Variants in MUC17 observed in about 807,000 individuals in gnomAD.
MUC17 encodes mucin 17, cell surface associated, also known as mucin-17.
MUC17 carries 190 observed loss-of-function variants against 170.3 expected under a neutral mutation model. The ratio of observed to expected loss-of-function variants is 1.12; its 90% CI spans 0.99 to 1.26. The LOEUF (loss-of-function observed/expected upper bound fraction) is 1.26. MUC17 is among the 50% of genes most tolerant of loss of function. The probability of loss-of-function intolerance (pLI) is 0.00; values close to 1 mark genes in which losing one functional copy is unlikely to be tolerated. For missense variants in MUC17, 6,415 were observed against 5,530.0 expected, an observed-to-expected ratio of 1.16 and a Z score of -5.08; for synonymous variants, 2,325 against 2,002.5, an observed-to-expected ratio of 1.16 and a Z score of -4.30.
Position 101,040,670 on chromosome 7 carries a change from C to A in MUC17, c.9254C>A (p.Ser3085Ter), listed in dbSNP as rs769024651. Residue 3085 changes from serine to a stop codon, truncating the protein, a stop_gained, in exon 3 of 13, where the codon TCA becomes TAA. Transcript: ENST00000306151. LOFTEE classifies it high-confidence loss of function. ...SPVVTSTEVS[S>*]SPTPAEGTSM... ...GTGGTCACTTCTACTGAAGTCAGTT[C>A]ATCTCCTACACCTGCTGAAGGTACC... The A allele has an allele frequency of 6.2e-7, 1 of 1,613,158 alleles. No individual in the cohort carries two copies. Among genetic ancestry groups the A allele is most frequent in the Admixed American group, 1.7e-5 (1 of 59,840 alleles).
chr7:101,042,139 A>G lies in MUC17; in HGVS notation c.10723A>G (p.Ser3575Gly). Residue 3575 changes from serine (S) to glycine (G), a missense_variant, in exon 3 of 13, where the codon AGC becomes GGC. Ser to Gly is a moderately conservative substitution (Grantham distance 56). Coordinates refer to ENST00000306151, the MANE Select transcript of MUC17 (RefSeq NM_001040105.2). ...TMRMSTPSEG[S>G]SSLTTMLLSS... ...GCGTATGTCTACTCCAAGTGAAGGA[A>G]GCTCTTCATTAACAACTATGCTCCT... 1 of 1,614,166 alleles carries G rather than the reference A, an allele frequency of 6.2e-7. No homozygotes were observed. Among genetic ancestry groups the G allele is most frequent in the Admixed American group, 1.7e-5 (1 of 60,024 alleles).
Position 101,041,238 on chromosome 7 carries a change from A to C in MUC17, c.9822A>C (p.Ser3274=). The change falls in exon 3 of 13, where the codon TCA becomes TCC. Residue 3274 remains serine (S), a synonymous_variant. Transcript: ENST00000306151. ...CTGAAGGTACCAGCATGCCAACCTC[A>C]ACTCCTAGTGAAGGAAGCACTCCAT... ...PTAEGTSMPT[S]TPSEGSTPLT... 1 of 1,612,096 alleles carries C rather than the reference A, an allele frequency of 6.2e-7. No individual in the cohort carries two copies. The highest frequency in any genetic ancestry group is 8.5e-7 in the Non-Finnish European group (1 of 1,178,816).
chr7:101,056,869 A>G (rs1022232859), intron 12 of MUC17, among the ~76,000 whole-genome samples: 1 of 152,110 alleles, frequency 6.6e-6, no homozygotes, highest in Non-Finnish European at 1.5e-5. Flanking sequence ...AGATGTAGAT[A>G]TAACAGATTT....
In MUC17 at chr7:101,039,785, C is replaced by G. The variant is rs774257815; in HGVS notation, c.8369C>G (p.Ser2790Cys). Residue 2790 changes from serine to cysteine, a missense_variant, in exon 3 of 13, where the codon TCC becomes TGC. Coordinates refer to ENST00000306151, the MANE Select transcript of MUC17 (RefSeq NM_001040105.2). ...GTCACCACTTCTACTGAAGCCAGTT[C>G]CTCTCCTACAACTGCTGAAGTTACC... ...IPVTTSTEAS[S>C]SPTTAEVTSM... 6.2e-7 allele frequency: 1 copy of G among 1,609,118 alleles called. No homozygotes were observed. The highest frequency in any genetic ancestry group is 1.1e-5 in the South Asian group (1 of 90,934).
At position 101,032,238 on chromosome 7, in the gene MUC17, C is replaced by T. The variant is rs756694628; in HGVS notation, c.822C>T (p.Ser274=). The change falls in exon 3 of 13, where the codon AGC becomes AGT. Residue 274 remains serine, a synonymous_variant. Transcript: ENST00000306151. ...CAAACTCAGCTCCTAGTGGAGGAAG[C>T]ACTCCATTAACAAGAATGCCTCTCA... ...SLSNSAPSGG[S]TPLTRMPLSV... The T allele has an allele frequency of 1.9e-6, 3 of 1,613,970 alleles. No homozygotes were observed.
In MUC17 at chr7:101,020,387, G is replaced by A. The variant is rs1584852469; in HGVS notation, c.82+170G>A. 3.9e-5 allele frequency among the ~76,000 whole-genome samples: 6 copies of A among 152,232 alleles called. 1 individual carries two copies. Among genetic ancestry groups the A allele is most frequent in the Admixed American group, 3.9e-4 (6 of 15,286 alleles). On this transcript the variant is annotated intron_variant, in intron 1 of 12. Coordinates refer to ENST00000306151, the MANE Select transcript of MUC17 (RefSeq NM_001040105.2). ...CCTGGACTTCTCTTCTCTCCCCAGC[G>A]AGCTTTGGGGGAAGAGCCAGGGCAT... is the stretch of plus-strand genomic sequence containing the variant.
In MUC17 at chr7:101,037,955, C is replaced by G. The variant is rs145280834; in HGVS notation, c.6539C>G (p.Thr2180Ser). The G allele has an allele frequency of 6.2e-7, 1 of 1,612,668 alleles. No individual in the cohort carries two copies. Residue 2180 changes from threonine (T) to serine (S), a missense_variant, in exon 3 of 13, where the codon ACC (threonine) becomes AGC (serine). Coordinates refer to ENST00000306151, the MANE Select transcript of MUC17 (RefSeq NM_001040105.2). ...GTGGTGGCCAGTTCTGCAATCAGCACCCTTTCAACAACTCCTGTTGACACC... is the reference window on the plus strand; with the variant it reads ...GTGGTGGCCAGTTCTGCAATCAGCAGCCTTTCAACAACTCCTGTTGACACC... ...TTVVASSAIS[T>S]LSTTPVDTST...
rs569245093 is a variant in MUC17, at chr7:101,044,878, T to A, written c.12403+1059T>A. ...TGCCACCATTCACTTTTATTTTGAT[T>A]CATCTTATCCTCTGAGCACCCACTA... is the stretch of plus-strand genomic sequence containing the variant. On this transcript the variant is annotated intron_variant, in intron 3 of 12. Coordinates refer to ENST00000306151, the MANE Select transcript of MUC17 (RefSeq NM_001040105.2). Among the ~76,000 whole-genome samples, 28 of 152,298 alleles carry A rather than the reference T, an allele frequency of 1.8e-4. No individual in the cohort carries two copies. The South Asian group carries it at 2.1e-3, about 11-fold the overall frequency.
Position 101,036,196 on chromosome 7 carries a change from T to C in MUC17, c.4780T>C (p.Ser1594Pro), listed in dbSNP as rs143050980. ...LVVSSEANTL[S>P]TTPIDSKTQV... ...GGTCAGTTCTGAGGCTAACACCCTT[T>C]CAACAACCCCTATTGACTCCAAAAC... The change falls in exon 3 of 13, where the codon TCA becomes CCA. Residue 1594 changes from serine to proline, a missense_variant. Coordinates refer to ENST00000306151, the MANE Select transcript of MUC17 (RefSeq NM_001040105.2). 145 of 1,613,956 alleles carry C rather than the reference T, an allele frequency of 9.0e-5. 2 individuals are homozygous for C. The African/African-American group carries it at 1.7e-3, about 19-fold the overall frequency.
At position 101,034,234 on chromosome 7, in the gene MUC17, G is replaced by A. The variant is rs767101364; in HGVS notation, c.2818G>A (p.Glu940Lys). 3.7e-6 allele frequency: 6 copies of A among 1,602,000 alleles called. No individual in the cohort carries two copies. The highest frequency in any genetic ancestry group is 5.1e-6 in the Non-Finnish European group (6 of 1,174,090). The change falls in exon 3 of 13, where the codon GAG (glutamate) becomes AAG (lysine). Residue 940 changes from glutamate (E) to lysine (K), a missense_variant. Glu to Lys is a moderately conservative substitution (Grantham distance 56). Transcript: ENST00000306151. ...PDSTTPVVSS[E>K]ARTLSATPVD... The stretch of plus-strand genomic sequence containing the variant: ...CAGCACCACGCCGGTAGTCAGTTCT[G>A]AGGCTAGAACACTTTCAGCAACTCC...
chr7:101,033,514 G>C lies in MUC17; in HGVS notation c.2098G>C (p.Val700Leu), dbSNP rs775222459. Residue 700 changes from valine to leucine, a missense_variant, in exon 3 of 13, where the codon GTG becomes CTG. Coordinates refer to ENST00000306151, the MANE Select transcript of MUC17 (RefSeq NM_001040105.2). ...AAGTATGCCTGTCAACACCACACTG[G>C]TGGCCAGTTCTGAGGCTAGCACCCT... Reference protein sequence around the residue: ...LTSMPVNTTLVASSEASTLST... With the variant: ...LTSMPVNTTLLASSEASTLST... 1 of 1,613,516 alleles carries C rather than the reference G, an allele frequency of 6.2e-7. No individual in the cohort carries two copies. Among genetic ancestry groups the C allele is most frequent in the Non-Finnish European group, 8.5e-7 (1 of 1,179,922 alleles).
Position 101,040,431 on chromosome 7 carries a change from C to A in MUC17, c.9015C>A (p.Ser3005Arg). The change falls in exon 3 of 13, where the codon AGC becomes AGA. Residue 3005 changes from serine (S) to arginine (R), a missense_variant. Physicochemically the swap from Ser to Arg is moderately radical, Grantham distance 110. Transcript: ENST00000306151. The stretch of plus-strand genomic sequence containing the variant: ...TGCCGGTGGCCAGTTCTGAGGCTAG[C>A]ACCCTTTCAAGAACTCCTGCTGACA... ...STMPVASSEA[S>R]TLSRTPADTS... 2 of 1,611,878 alleles carry A rather than the reference C, an allele frequency of 1.2e-6. No individual in the cohort carries two copies. Among genetic ancestry groups the A allele is most frequent in the Non-Finnish European group, 1.7e-6 (2 of 1,179,020 alleles).
In MUC17 at chr7:101,041,824, G is replaced by A. The variant is rs779372056; in HGVS notation, c.10408G>A (p.Val3470Met). ...AATTATGCCTCTCAGTACCACGCCG[G>A]TGGCCAGTTCTGAGGCTAGCACCCT... ...LSIMPLSTTP[V>M]ASSEASTLST... is the part of the protein sequence containing the mutation. The change falls in exon 3 of 13, where the codon GTG becomes ATG. Residue 3470 changes from valine to methionine, a missense_variant. Coordinates refer to ENST00000306151, the MANE Select transcript of MUC17 (RefSeq NM_001040105.2). 2 of 1,613,964 alleles carry A rather than the reference G, an allele frequency of 1.2e-6. No individual in the cohort carries two copies. The highest frequency in any genetic ancestry group is 1.7e-5 in the Admixed American group (1 of 60,008).
chr7:101,038,481 A>G lies in MUC17; in HGVS notation c.7065A>G (p.Thr2355=), dbSNP rs10953316. The change falls in exon 3 of 13, where the codon ACA becomes ACG. Residue 2355 remains threonine (T), a synonymous_variant. Transcript: ENST00000306151. Reference sequence around the variant, plus strand: ...CCACAATGGTGGCCAGTTTTGAAACAAGCACACTTTCTACAACTCCTGCTG... The same window carrying G: ...CCACAATGGTGGCCAGTTTTGAAACGAGCACACTTTCTACAACTCCTGCTG... The part of the protein sequence containing the change: ...VSTTMVASFE[T]STLSTTPADT... 1,027,352 of 1,612,820 alleles carry G rather than the reference A, an allele frequency of 0.64. 330,663 individuals are homozygous for G. The highest frequency in any genetic ancestry group is 0.8 in the East Asian group (35,768 of 44,824).
rs267601197 is a variant in MUC17 at position 101,033,663 on chromosome 7, A to G, written c.2247A>G (p.Leu749=). ...TSTPSEGSTP[L]TSMPVSKTLL... ...CTCCTAGTGAAGGAAGCACTCCATT[A>G]ACAAGTATGCCTGTCAGCAAAACGC... Residue 749 remains leucine (L), a synonymous_variant, in exon 3 of 13, where the codon TTA becomes TTG. Coordinates refer to ENST00000306151, the MANE Select transcript of MUC17 (RefSeq NM_001040105.2). The G allele has an allele frequency of 6.2e-7, 1 of 1,613,636 alleles. No homozygotes were observed. The highest frequency in any genetic ancestry group is 1.1e-5 in the South Asian group (1 of 91,066).
chr7:101,048,446 CT>C (rs1291754559), intron 4 of MUC17, among the ~76,000 whole-genome samples: 1 of 149,178 alleles, frequency 6.7e-6, no homozygotes, highest in Non-Finnish European at 1.5e-5. Context: ...AAAAAAAAAA[CT>C]TGACTGGGTG....
At chr7:101,022,982 A>G (rs1350722659) in intron 1 of MUC17, among the ~76,000 whole-genome samples, 1 of 152,122 alleles carries the variant, frequency 6.6e-6, no homozygotes, top group Non-Finnish European at 1.5e-5. Context: ...CGTGCCTTAC[A>G]ATAACAGAAA....
rs765932043 is a variant in MUC17, at chr7:101,041,945, CA to C, written c.10531del (p.Thr3511LeufsTer9). On this transcript the variant is annotated frameshift_variant, in exon 3 of 13. Coordinates refer to ENST00000306151, the MANE Select transcript of MUC17 (RefSeq NM_001040105.2). LOFTEE classifies it high-confidence loss of function. ...GCTGAAGTTACCAGCATGCCAACATCAACTGCTGGTGAAGGAAGCACTCCAT... is the reference window on the plus strand; with the variant it reads ...GCTGAAGTTACCAGCATGCCAACATCACTGCTGGTGAAGGAAGCACTCCAT... ...TTAEVTSMPT[S>X]TAGEGSTPLT... is the part of the protein sequence containing the mutation. 4.2e-5 allele frequency: 67 copies of C among 1,613,190 alleles called. No individual in the cohort carries two copies. Among genetic ancestry groups the C allele is most frequent in the Admixed American group, 3.0e-4 (18 of 59,942 alleles).
chr7:101,025,073 C>G (rs964195202), intron 1 of MUC17, among the ~76,000 whole-genome samples: 1 of 151,796 alleles, frequency 6.6e-6, no homozygotes, highest in African/African-American at 2.4e-5. Flanking sequence ...AACATAAAAA[C>G]AATTAGAGGA....
Sources: allele counts gnomAD v4.1 joint callset (sites outside exome capture counted in the v4.1 genomes callset), GRCh38; gene constraint gnomAD v4.1.1; transcripts MANE v1.5; gene names NCBI Gene and HGNC (gene_info 2026-07-23, HGNC 2026-07-21).